MAP3K3: variants seen among roughly 807,000 people sequenced by gnomAD.
The protein encoded by MAP3K3 is mitogen-activated protein kinase kinase kinase 3.
In MAP3K3, 12 loss-of-function variants were observed where a neutral mutation model predicts 80.9. That is an observed-to-expected ratio of 0.15 (90% confidence interval 0.10 to 0.24). The LOEUF is 0.24. MAP3K3 is among the 10% of genes least tolerant of loss of function. The pLI, the probability that MAP3K3 is intolerant of heterozygous loss-of-function variation, is 1.00. For synonymous variants in MAP3K3, 272 were observed against 307.1 expected (o/e 0.89, Z 1.19); for missense variants, 596 against 834.7 (o/e 0.71, Z 3.52).
At chr17:63,641,369 A>G (rs1042263718) in intron 2 of MAP3K3, among the ~76,000 whole-genome samples, 1 of 151,654 alleles carries the variant, frequency 6.6e-6, no homozygotes, top group Non-Finnish European at 1.5e-5. Context: ...CAGCCTCCCG[A>G]ATAGCTGGGA....
At chr17:63,629,647 A>G (rs1568121116) in intron 1 of MAP3K3, among the ~76,000 whole-genome samples, 1 of 152,198 alleles carries the variant, frequency 6.6e-6, no homozygotes, top group African/African-American at 2.4e-5. Context: ...GTCTTTATAC[A>G]TGTCCTCTGA....
chr17:63,691,865 G>T lies in MAP3K3; in HGVS notation c.1474+3G>T. 6.2e-7 allele frequency: 1 copy of T among 1,613,714 alleles called. No individual in the cohort carries two copies. ...GATTGTTCACCGGGACATTAAGGGTGAGCAGGGCCAGGATACATGGAGTCC... is the reference window on the plus strand; with the variant it reads ...GATTGTTCACCGGGACATTAAGGGTTAGCAGGGCCAGGATACATGGAGTCC... On this transcript the variant is annotated splice_donor_region_variant and intron_variant, in intron 14 of 15. Transcript: ENST00000361733. This position sits in a 1 kb window ranked among gnomAD's most constrained non-coding sequence, Gnocchi z 4.8.
chr17:63,660,438 C>T (rs9901000), intron 5 of MAP3K3, among the ~76,000 whole-genome samples: 42,499 of 151,566 alleles, frequency 0.28, 6,375 homozygotes, highest in Middle Eastern at 0.37. Flanking sequence ...GTCTCAAACT[C>T]CTGGGCTCAA....
rs539258221 is a variant in MAP3K3, at chr17:63,636,422, G to C, written c.126+3620G>C. ...GGAAGCCTACAGCGTGGTTAGAGCT[G>C]ACTGAATATTCTTAGATGTGTGGCA... On this transcript the variant is annotated intron_variant, in intron 2 of 15. Coordinates refer to ENST00000361733, the MANE Select transcript of MAP3K3 (RefSeq NM_002401.5). Among the ~76,000 whole-genome samples the C allele has an allele frequency of 6.6e-5, 10 of 152,272 alleles. No homozygotes were observed. In the South Asian group the frequency reaches 1.9e-3, roughly 28 times the overall value.
At chr17:63,669,359 G>A (rs1280466135) in intron 6 of MAP3K3, among the ~76,000 whole-genome samples, 2 of 152,136 alleles carry the variant, frequency 1.3e-5, no homozygotes, top group Non-Finnish European at 2.9e-5. Context: ...AAGGATGCCT[G>A]GGTGTTTTCT....
intron 7 of MAP3K3, 29 bp downstream of exon 7, chr17:63,681,928 G>A: frequency 7.4e-7 from 1 of 1,349,462 alleles, no homozygotes; most frequent in Non-Finnish European, 9.6e-7. Context: ...GGATATGCCT[G>A]TGGCCTGTAT....
At position 63,688,566 on chromosome 17, in the gene MAP3K3, C is replaced by T. The variant is rs749192616; in HGVS notation, c.750C>T (p.Ser250=). ...AATCACGAATGTCCCGTGCCCAGAGCTTCCCTGACAACAGACAGGAATACT... is the reference window on the plus strand; with the variant it reads ...AATCACGAATGTCCCGTGCCCAGAGTTTCCCTGACAACAGACAGGAATACT... ...FRKSRMSRAQ[S]FPDNRQEYSD... The change falls in exon 9 of 16, where the codon AGC becomes AGT. Residue 250 remains serine, a synonymous_variant. Coordinates refer to ENST00000361733, the MANE Select transcript of MAP3K3 (RefSeq NM_002401.5). The T allele has an allele frequency of 5.0e-6, 8 of 1,614,150 alleles. No homozygotes were observed. The highest frequency in any genetic ancestry group is 1.1e-5 in the South Asian group (1 of 91,074).
At chr17:63,662,719 G>A (rs922315318) in intron 5 of MAP3K3, among the ~76,000 whole-genome samples, 7 of 142,382 alleles carry the variant, frequency 4.9e-5, no homozygotes, top group South Asian at 2.3e-4. Flanking sequence ...GTGCAGTGGC[G>A]CAATCTCAGC....
chr17:63,667,223 G>T (rs576030933), intron 6 of MAP3K3, among the ~76,000 whole-genome samples, 163 bp downstream of exon 6: 2 of 152,270 alleles, frequency 1.3e-5, no homozygotes, highest in Non-Finnish European at 1.5e-5. Flanking sequence ...GAAGGGCAAA[G>T]AAATAACTGG....
rs753265487 is a variant in MAP3K3 at position 63,693,310 on chromosome 17, GTTCT to G, written c.1653-234_1653-231del. Among the ~76,000 whole-genome samples the G allele has an allele frequency of 1.3e-5, 2 of 152,162 alleles. No individual in the cohort carries two copies. The highest frequency in any genetic ancestry group is 2.9e-5 in the Non-Finnish European group (2 of 68,010). On this transcript the variant is annotated intron_variant, in intron 15 of 15. Transcript: ENST00000361733. The surrounding 1 kb of genome is among the most constrained non-coding windows in gnomAD (Gnocchi z 4.2). The stretch of plus-strand genomic sequence containing the variant: ...GGGTAGCTAATACAGTTATTGTAGA[GTTCT>G]TTCTGTCAAGTCTAAGTGATTCTCT...
chr17:63,651,319 C>T (rs890146185), intron 3 of MAP3K3, among the ~76,000 whole-genome samples: 1 of 151,928 alleles, frequency 6.6e-6, no homozygotes, highest in African/African-American at 2.4e-5. Flanking sequence ...CCCATCCCTA[C>T]AAAAAATAAA....
intron 2 of MAP3K3, among the ~76,000 whole-genome samples, chr17:63,645,759 A>C (rs149278543): frequency 8.3e-5 from 12 of 144,600 alleles, no homozygotes; most frequent in African/African-American, 3.0e-4. Flanking sequence ...TAGGGTGTGT[A>C]TGAAGCTAGA....
rs1292869485 is a variant in MAP3K3, at chr17:63,691,720, T to C, written c.1345-13T>C. The C allele has an allele frequency of 1.9e-6, 3 of 1,611,758 alleles. No individual in the cohort carries two copies. Among genetic ancestry groups the C allele is most frequent in the Admixed American group, 1.7e-5 (1 of 59,956 alleles). ...CCCCTGAGGGGACTCCTCTGACTTC[T>C]TGTGGCCTCCAGGGCTCGGTGAAAG... On this transcript the variant is annotated splice_polypyrimidine_tract_variant and intron_variant, in intron 13 of 15. Coordinates refer to ENST00000361733, the MANE Select transcript of MAP3K3 (RefSeq NM_002401.5). The surrounding 1 kb of genome is among the most constrained non-coding windows in gnomAD (Gnocchi z 4.8).
At chr17:63,679,201 C>A (rs2035280190) in intron 6 of MAP3K3, among the ~76,000 whole-genome samples, 1 of 152,194 alleles carries the variant, frequency 6.6e-6, no homozygotes, top group East Asian at 1.9e-4. Context: ...CATAGCGAGA[C>A]CCTGTTCCTA....
At chr17:63,683,807 T>C (rs919756130) in intron 7 of MAP3K3, among the ~76,000 whole-genome samples, 3 of 152,212 alleles carry the variant, frequency 2.0e-5, no homozygotes, top group Admixed American at 6.5e-5. Flanking sequence ...ATTTACTAAT[T>C]TTTAGAATGA....
In MAP3K3 at chr17:63,681,805, A is replaced by G. The variant is rs1186452717; in HGVS notation, c.542A>G (p.Tyr181Cys). Residue 181 changes from tyrosine (Y) to cysteine (C), a missense_variant, in exon 7 of 16, where the codon TAT becomes TGT. By Grantham distance (194) the Tyr-to-Cys change is radical. Transcript: ENST00000361733. ...GGCCGAAGCTCACCTCCCCCTGGCT[A>G]TGTTCCTGAGCGGCAGCAGCACATT... ...NPGRSSPPPG[Y>C]VPERQQHIAR... 2 of 1,546,170 alleles carry G rather than the reference A, an allele frequency of 1.3e-6. No individual in the cohort carries two copies. Among genetic ancestry groups the G allele is most frequent in the Non-Finnish European group, 1.8e-6 (2 of 1,142,400 alleles).
intron 2 of MAP3K3, among the ~76,000 whole-genome samples, chr17:63,633,664 G>A (rs1156239155): frequency 6.6e-6 from 1 of 152,094 alleles, no homozygotes; most frequent in Admixed American, 6.5e-5. Context: ...GTGTGTCATT[G>A]ACAATCTTCT....
At chr17:63,637,192 CAAAAA>C (rs796796374) in intron 2 of MAP3K3, 32 of 77,828 alleles carry the variant, frequency 4.1e-4, no homozygotes, top group East Asian at 8.6e-4. Flanking sequence ...TGAGACCAAC[CAAAAA>C]AAAAAAAAAA....
intron 1 of MAP3K3, among the ~76,000 whole-genome samples, chr17:63,627,633 G>A (rs1431794438): frequency 6.9e-6 from 1 of 145,508 alleles, no homozygotes; most frequent in Non-Finnish European, 1.5e-5. Context: ...GTAGAGACAG[G>A]GTTTCACCAT....
Sources: gnomAD v4.1 joint callset for allele counts (sites outside exome capture counted in the v4.1 genomes callset) on GRCh38, gnomAD v4.1.1 for gene constraint, Gnocchi (gnomAD v3.1) non-coding constraint, MANE v1.5 for transcripts, NCBI Gene and HGNC (gene_info 2026-07-23, HGNC 2026-07-21) for gene names.